The following MEMO1 variants were observed in gnomAD, a reference collection of about 807,000 sequenced individuals.
MEMO1 encodes the protein mediator of cell motility 1, also known as protein MEMO1.
In MEMO1, 6 loss-of-function variants were observed where a neutral mutation model predicts 45.2. The observed-to-expected ratio is 0.13, with a 90% CI of 0.07 to 0.26. The LOEUF is 0.26. Among genes scored for constraint, MEMO1 ranks in the 10% least tolerant of loss-of-function variants. The pLI is 1.00. For missense variants in MEMO1, 184 were observed against 370.5 expected (o/e 0.50, Z 4.13); for synonymous variants, 78 against 124.3 (o/e 0.63, Z 2.48).
chr2:31,956,288 G>A (rs2148386454), intron 2 of MEMO1, among the ~76,000 whole-genome samples: 1 of 151,138 alleles, frequency 6.6e-6, no homozygotes, highest in South Asian at 2.1e-4. Context: ...GAAAGAATCA[G>A]GACTAGGATA....
At chr2:32,001,447 C>T (rs80063829) in intron 2 of MEMO1, among the ~76,000 whole-genome samples, 3,270 of 152,048 alleles carry the variant, frequency 0.022, 113 homozygotes, top group African/African-American at 0.072. Flanking sequence ...TTATACTAAG[C>T]ATTCGTTTTT....
At chr2:32,002,575 A>G (rs138672718) in intron 2 of MEMO1, among the ~76,000 whole-genome samples, 119 of 152,256 alleles carry the variant, frequency 7.8e-4, no homozygotes, top group Admixed American at 5.6e-3. Context: ...TTTTAGAGTC[A>G]GACTGGTTCT....
intron 6 of MEMO1, among the ~76,000 whole-genome samples, chr2:31,905,379 T>G (rs181671441): frequency 6.6e-6 from 1 of 152,342 alleles, no homozygotes; most frequent in East Asian, 1.9e-4. Context: ...CTTTACTGTT[T>G]GATCAGTTAA....
chr2:31,938,002 A>G (rs1416265941), intron 3 of MEMO1, among the ~76,000 whole-genome samples: 1 of 152,148 alleles, frequency 6.6e-6, no homozygotes, highest in African/African-American at 2.4e-5. Flanking sequence ...GATCATTTCA[A>G]TATATATCTC....
chr2:31,913,108 T>C (rs557876422), intron 6 of MEMO1, among the ~76,000 whole-genome samples: 60 of 151,638 alleles, frequency 4.0e-4, no homozygotes, highest in African/African-American at 1.5e-3. Flanking sequence ...CTACTAAAAA[T>C]ACAAAAATTA....
chr2:31,968,661 C>G (rs1289188300), intron 2 of MEMO1, among the ~76,000 whole-genome samples: 1 of 152,170 alleles, frequency 6.6e-6, no homozygotes, highest in South Asian at 2.1e-4. Context: ...ACTCTTCAGT[C>G]CATATCCTTG....
At chr2:31,919,983 CGTGT>C (rs1558503428) in intron 5 of MEMO1, among the ~76,000 whole-genome samples, 1 of 148,284 alleles carries the variant, frequency 6.7e-6, no homozygotes, top group African/African-American at 2.5e-5. Flanking sequence ...TGTGTACATG[CGTGT>C]GTGTGAATAA....
At position 31,992,689 on chromosome 2, in the gene MEMO1, C is replaced by A. The variant is rs562192625; in HGVS notation, c.61+17498G>T. 1.1e-4 allele frequency among the ~76,000 whole-genome samples: 16 copies of A among 152,276 alleles called. No homozygotes were observed. The South Asian group carries it at 3.1e-3, about 30-fold the overall frequency. On this transcript the variant is annotated intron_variant, in intron 2 of 9. Coordinates refer to ENST00000404530, the MANE Select transcript of MEMO1 (RefSeq NM_001301833.4). ...ATCCCAGCTACTCGGGAGACTGAGGCAGGAGAATCACTCGAACCCAGGAGA... is the reference window on the plus strand; with the variant it reads ...ATCCCAGCTACTCGGGAGACTGAGGAAGGAGAATCACTCGAACCCAGGAGA...
At chr2:31,907,806 C>G (rs1344926467) in intron 6 of MEMO1, among the ~76,000 whole-genome samples, 4 of 151,610 alleles carry the variant, frequency 2.6e-5, no homozygotes, top group Admixed American at 2.0e-4. Flanking sequence ...CACACACACA[C>G]ACACACACAC....
intron 2 of MEMO1, among the ~76,000 whole-genome samples, chr2:31,980,960 T>G (rs3754835): frequency 0.61 from 92,795 of 152,050 alleles, 28,459 homozygotes; most frequent in African/African-American, 0.63. Flanking sequence ...TCTATACAAA[T>G]TAAACGTGGT....
intron 3 of MEMO1, among the ~76,000 whole-genome samples, chr2:31,935,419 T>C (rs114741434): frequency 7.5e-4 from 114 of 152,254 alleles, no homozygotes; most frequent in African/African-American, 2.6e-3. Context: ...GGAACTCAGA[T>C]TTCGTGGTTT....
chr2:31,915,296 A>G (rs1222197274), intron 6 of MEMO1, among the ~76,000 whole-genome samples: 2 of 152,162 alleles, frequency 1.3e-5, no homozygotes, highest in Non-Finnish European at 2.9e-5. Context: ...TGTTAAAGAG[A>G]CATGAATTGT....
intron 6 of MEMO1, among the ~76,000 whole-genome samples, chr2:31,913,136 G>A (rs183737505): frequency 6.6e-6 from 1 of 151,182 alleles, no homozygotes; most frequent in Non-Finnish European, 1.5e-5. Context: ...ATGGTGGCAG[G>A]TGCCTGTAAT....
intron 6 of MEMO1, among the ~76,000 whole-genome samples, chr2:31,894,199 G>A (rs1195222943): frequency 6.6e-6 from 1 of 152,106 alleles, no homozygotes; most frequent in East Asian, 1.9e-4. Flanking sequence ...ACAATGAGAA[G>A]AGCATGTTCA....
At chr2:31,946,677 C>T (rs1040153823) in intron 2 of MEMO1, among the ~76,000 whole-genome samples, 7 of 152,092 alleles carry the variant, frequency 4.6e-5, no homozygotes, top group Admixed American at 4.6e-4. Flanking sequence ...CCCTGGCCAA[C>T]ATGGTGACAC....
intron 2 of MEMO1, among the ~76,000 whole-genome samples, chr2:31,954,324 C>CT (rs1226226270): frequency 6.6e-6 from 1 of 152,080 alleles, no homozygotes; most frequent in African/African-American, 2.4e-5. Context: ...TGGCTCATGC[C>CT]TGTAATCCCA....
At chr2:31,870,263 A>G (rs921130021) in intron 8 of MEMO1, among the ~76,000 whole-genome samples, 4 of 150,320 alleles carry the variant, frequency 2.7e-5, no homozygotes, top group Admixed American at 1.3e-4. Context: ...TCATAATATT[A>G]TATCTTTCTT....
intron 2 of MEMO1, among the ~76,000 whole-genome samples, chr2:31,961,553 C>T (rs559292990): frequency 1.3e-5 from 2 of 151,088 alleles, no homozygotes; most frequent in South Asian, 2.1e-4. Flanking sequence ...GCTTGAGCTC[C>T]GGATTTCAAG....
intron 6 of MEMO1, among the ~76,000 whole-genome samples, chr2:31,896,945 C>T (rs1442365046): frequency 6.6e-6 from 1 of 152,042 alleles, no homozygotes; most frequent in Admixed American, 6.5e-5. Flanking sequence ...CTTCACATCC[C>T]TCGTAAGTTG....
Sources: allele counts gnomAD v4.1 joint callset (sites outside exome capture counted in the v4.1 genomes callset), GRCh38; gene constraint gnomAD v4.1.1; transcripts MANE v1.5; gene names NCBI Gene and HGNC (gene_info 2026-07-23, HGNC 2026-07-21).